Variants in ZNF646 observed in about 807,000 individuals in gnomAD.
ZNF646 encodes zinc finger protein 646.
A neutral mutation model predicts 115.4 loss-of-function variants in ZNF646; 49 were observed. The ratio of observed to expected loss-of-function variants is 0.42; its 90% CI spans 0.34 to 0.54. The LOEUF (loss-of-function observed/expected upper bound fraction) is 0.54, where lower values mean the gene tolerates loss of function less well. Ranked by LOEUF, ZNF646 falls within the 20% of genes least tolerant of loss-of-function variation. ZNF646 has a pLI of 0.04. For synonymous variants in ZNF646, 933 were observed against 939.0 expected (o/e 0.99, Z 0.12); for missense variants, 2,269 against 2,457.9 (o/e 0.92, Z 1.62).
At position 31,080,218 on chromosome 16, in the gene ZNF646, C is replaced by G. The variant is rs750173452; in HGVS notation, c.3894C>G (p.Pro1298=). Residue 1298 remains proline, a synonymous_variant, in exon 2 of 3, where the codon CCC becomes CCG. Coordinates refer to ENST00000300850, the MANE Select transcript of ZNF646 (RefSeq NM_014699.4). ...GAAAGGCGACTCGGGAAGATCGGCC[C>G]TTCCGCTGTGGGCAGTGCGGGCGGA... ...GTRKATREDR[P]FRCGQCGRTY... The G allele has an allele frequency of 6.2e-7, 1 of 1,610,876 alleles. No individual in the cohort carries two copies. The highest frequency in any genetic ancestry group is 1.3e-5 in the African/African-American group (1 of 75,004).
In ZNF646 at chr16:31,079,514, G is replaced by T; in HGVS notation, c.3190G>T (p.Gly1064Trp). 6.2e-7 allele frequency: 1 copy of T among 1,613,612 alleles called. No individual in the cohort carries two copies. The highest frequency in any genetic ancestry group is 8.5e-7 in the Non-Finnish European group (1 of 1,180,006). ...CNQCGKTYRH[G>W]GSLVNHRKIH... ...CCAGTGTGGCAAGACCTATCGCCAT[G>T]GGGGCAGCCTGGTGAACCACCGCAA... Residue 1064 changes from glycine (G) to tryptophan (W), a missense_variant, in exon 2 of 3, where the codon GGG becomes TGG. Gly to Trp is a radical substitution (Grantham distance 184, BLOSUM62 -2). Transcript: ENST00000300850. The surrounding 1 kb of genome is among the most constrained non-coding windows in gnomAD (Gnocchi z 5.5).
At position 31,077,524 on chromosome 16, in the gene ZNF646, C is replaced by A; in HGVS notation, c.1200C>A (p.Val400=). The part of the protein sequence containing the change: ...INHRKSHQTG[V]YPCSLCSKQL... ...ATCGAAAGAGCCACCAGACAGGTGTCTACCCCTGCTCACTCTGTTCTAAGC... is the reference window on the plus strand; with the variant it reads ...ATCGAAAGAGCCACCAGACAGGTGTATACCCCTGCTCACTCTGTTCTAAGC... Residue 400 remains valine, a synonymous_variant, in exon 2 of 3, where the codon GTC becomes GTA. Coordinates refer to ENST00000300850, the MANE Select transcript of ZNF646 (RefSeq NM_014699.4). 6.2e-7 allele frequency: 1 copy of A among 1,613,518 alleles called. No individual in the cohort carries two copies. Among genetic ancestry groups the A allele is most frequent in the Non-Finnish European group, 8.5e-7 (1 of 1,179,870 alleles).
At position 31,078,369 on chromosome 16, in the gene ZNF646, G is replaced by A; in HGVS notation, c.2045G>A (p.Ser682Asn). ...CATCGGAAGCGGGCTGGCGGTGCCA[G>A]CGGTGGGAGAGAAGCCAAACTCCTG... ...RRHRKRAGGA[S>N]GGREAKLLAA... Residue 682 changes from serine to asparagine, a missense_variant, in exon 2 of 3, where the codon AGC becomes AAC. Physicochemically the swap from Ser to Asn is conservative, Grantham distance 46. This residue lies in a region of ZNF646 where 852 missense variants were observed against 900.2 expected (regional missense o/e 0.95). Coordinates refer to ENST00000300850, the MANE Select transcript of ZNF646 (RefSeq NM_014699.4). 6 of 1,612,890 alleles carry A rather than the reference G, an allele frequency of 3.7e-6. No homozygotes were observed. Among genetic ancestry groups the A allele is most frequent in the Non-Finnish European group, 5.1e-6 (6 of 1,179,618 alleles).
Position 31,081,112 on chromosome 16 carries a change from C to T in ZNF646, c.4788C>T (p.Ser1596=), listed in dbSNP as rs61729520. The T allele has an allele frequency of 1.2e-6, 2 of 1,611,132 alleles. No homozygotes were observed. The highest frequency in any genetic ancestry group is 1.7e-6 in the Non-Finnish European group (2 of 1,178,048). The stretch of plus-strand genomic sequence containing the variant: ...CTGACTGTGGCAAAGCCTTTGAGTC[C>T]CACCAGGAACTGGCCAGCCACCTGC... ...ACPDCGKAFE[S]HQELASHLQA... is the part of the protein sequence containing the mutation. Residue 1596 remains serine (S), a synonymous_variant, in exon 2 of 3, where the codon TCC becomes TCT. Transcript: ENST00000300850.
Position 31,076,594 on chromosome 16 carries a change from C to G in ZNF646, c.270C>G (p.Leu90=), listed in dbSNP as rs919223422. The stretch of plus-strand genomic sequence containing the variant: ...AGGACTTCTCCAATCCCATGGCTCT[C>G]AAGAGCCATATGAGGACACATGCTC... ...CGKDFSNPMA[L]KSHMRTHAPE... The change falls in exon 2 of 3, where the codon CTC becomes CTG. Residue 90 remains leucine (L), a synonymous_variant. Coordinates refer to ENST00000300850, the MANE Select transcript of ZNF646 (RefSeq NM_014699.4). The G allele has an allele frequency of 6.2e-7, 1 of 1,612,698 alleles. No homozygotes were observed. The highest frequency in any genetic ancestry group is 1.3e-5 in the African/African-American group (1 of 74,884).
In ZNF646 at chr16:31,082,955, C is replaced by G; in HGVS notation, c.5378-16C>G. 4.5e-6 allele frequency: 7 copies of G among 1,569,062 alleles called. No individual in the cohort carries two copies. The highest frequency in any genetic ancestry group is 5.2e-6 in the Non-Finnish European group (6 of 1,156,232). ...TCTGCCCCTCAGTTGGTGACCTCCT[C>G]TCTCTCTCCCCCCAGGAGCCCCAGT... On this transcript the variant is annotated splice_polypyrimidine_tract_variant and intron_variant, in intron 2 of 2. Transcript: ENST00000300850.
chr16:31,075,671 G>A (rs1389740103), intron 1 of ZNF646, among the ~76,000 whole-genome samples: 1 of 152,112 alleles, frequency 6.6e-6, no homozygotes, highest in African/African-American at 2.4e-5. Flanking sequence ...GAAATGACTC[G>A]GGGTGGTGGG....
rs1224709561 is a variant in ZNF646, at chr16:31,079,706, A to G, written c.3382A>G (p.Ile1128Val). 9.9e-6 allele frequency: 16 copies of G among 1,613,686 alleles called. No homozygotes were observed. The highest frequency in any genetic ancestry group is 1.3e-5 in the Non-Finnish European group (15 of 1,180,012). The change falls in exon 2 of 3, where the codon ATC becomes GTC. Residue 1128 changes from isoleucine (I) to valine (V), a missense_variant. Ile to Val is a conservative substitution (Grantham distance 29, BLOSUM62 3). Around this residue, in one of 5 missense-constraint regions of ZNF646, gnomAD observed 1,062 missense variants for 1,172.8 expected, o/e 0.91. Coordinates refer to ENST00000300850, the MANE Select transcript of ZNF646 (RefSeq NM_014699.4). The surrounding 1 kb of genome is among the most constrained non-coding windows in gnomAD (Gnocchi z 5.5). ...AGSSELQVGP[I>V]PEGGSNKPQH... ...TAGCAGTGAGCTGCAGGTTGGGCCC[A>G]TCCCAGAAGGAGGCAGCAACAAGCC...
chr16:31,081,960 C>T (rs1190179952), intron 2 of ZNF646: 4 of 554,830 alleles, frequency 7.2e-6, no homozygotes, highest in Non-Finnish European at 1.3e-5. Flanking sequence ...TACCTGGGCT[C>T]CTCCATTACA....
upstream of ZNF646, chr16:31,073,849 G>C (rs2057039954): frequency 1.3e-5 from 2 of 152,192 alleles, no homozygotes; most frequent in Admixed American, 1.3e-4. Context: ...GGAACCTCCA[G>C]CCTATGGCGG....
chr16:31,075,497 C>T (rs2057065815), intron 1 of ZNF646, among the ~76,000 whole-genome samples: 1 of 152,148 alleles, frequency 6.6e-6, no homozygotes, highest in Non-Finnish European at 1.5e-5. Flanking sequence ...AGGGTTTCAC[C>T]ATGTTGTCCA....
chr16:31,072,694 T>A (rs1024840780), upstream of ZNF646: 2 of 152,256 alleles, frequency 1.3e-5, no homozygotes, highest in African/African-American at 4.8e-5. Context: ...GCTAATCATA[T>A]CCTAGGCCTC....
In ZNF646 at chr16:31,078,423, A is replaced by G. The variant is rs141862689; in HGVS notation, c.2099A>G (p.Glu700Gly). ...LAAESWTREL[E>G]DNEGLESPQD... The stretch of plus-strand genomic sequence containing the variant: ...GCGGAGAGCTGGACCCGGGAGCTAG[A>G]AGACAATGAAGGCCTGGAGTCTCCC... The change falls in exon 2 of 3, where the codon GAA (glutamate) becomes GGA (glycine). Residue 700 changes from glutamate (E) to glycine (G), a missense_variant. Transcript: ENST00000300850. 9.6e-5 allele frequency: 154 copies of G among 1,606,704 alleles called. No homozygotes were observed. In the African/African-American group the frequency reaches 1.9e-3, roughly 20 times the overall value.
rs1008075548 is a variant in ZNF646 at position 31,077,438 on chromosome 16, C to T, written c.1114C>T (p.Arg372Trp). 8 of 1,613,086 alleles carry T rather than the reference C, an allele frequency of 5.0e-6. No individual in the cohort carries two copies. The highest frequency in any genetic ancestry group is 5.1e-6 in the Non-Finnish European group (6 of 1,179,878). Residue 372 changes from arginine to tryptophan, a missense_variant, in exon 2 of 3, where the codon CGG (arginine) becomes TGG (tryptophan). Physicochemically the swap from Arg to Trp is moderately radical, Grantham distance 101. This residue lies in a region of ZNF646 where 852 missense variants were observed against 900.2 expected (regional missense o/e 0.95). Transcript: ENST00000300850. ...ELEDSGLEEY[R>W]PFRCGDCGRT... ...GGAGGACAGTGGCCTGGAGGAATAC[C>T]GGCCTTTCCGCTGTGGGGACTGTGG...
chr16:31,076,299 C>T lies in ZNF646; in HGVS notation c.-26C>T. 1 of 1,583,046 alleles carries T rather than the reference C, an allele frequency of 6.3e-7. No homozygotes were observed. The highest frequency in any genetic ancestry group is 8.6e-7 in the Non-Finnish European group (1 of 1,161,028). On this transcript the variant is annotated 5_prime_UTR_variant, in exon 2 of 3. Transcript: ENST00000300850. Reference sequence around the variant, plus strand: ...CTGCCACGTGTCTGCTCCTTCTGAACCTCCAGGTTTCTGCTACGTTGCCCC... The same window carrying T: ...CTGCCACGTGTCTGCTCCTTCTGAATCTCCAGGTTTCTGCTACGTTGCCCC...
chr16:31,083,020 T>G lies in ZNF646; in HGVS notation c.5427T>G (p.Pro1809=). The G allele has an allele frequency of 1.5e-6, 2 of 1,295,504 alleles. No individual in the cohort carries two copies. Among genetic ancestry groups the G allele is most frequent in the Non-Finnish European group, 2.1e-6 (2 of 942,428 alleles). The allele number at this position is 1,295,504 out of a possible 1,614,324, so 80.3% of individuals were successfully genotyped here. A position where few individuals can be genotyped will look rare whatever the true frequency, so the allele number is the denominator to read the frequency against. Residue 1809 remains proline (P), a synonymous_variant, in exon 3 of 3, where the codon CCT becomes CCG. Coordinates refer to ENST00000300850, the MANE Select transcript of ZNF646 (RefSeq NM_014699.4). ...VTGRGDLPLP[P]PPTPTTPLLD... The stretch of plus-strand genomic sequence containing the variant: ...GCAGAGGGGACTTGCCATTGCCCCC[T>G]CCACCCACCCCCACGACCCCACTCC...
intron 2 of ZNF646, 106 bp downstream of exon 2, chr16:31,081,807 G>A: frequency 1.4e-6 from 2 of 1,437,562 alleles, no homozygotes. Flanking sequence ...GAGCCCCGGG[G>A]ATTCTAAGAG....
rs1567409828 is a variant in ZNF646, at chr16:31,079,708, C to T, written c.3384C>T (p.Ile1128=). ...AGSSELQVGP[I]PEGGSNKPQH... is the part of the protein sequence containing the mutation. ...GCAGTGAGCTGCAGGTTGGGCCCAT[C>T]CCAGAAGGAGGCAGCAACAAGCCCC... Residue 1128 remains isoleucine (I), a synonymous_variant, in exon 2 of 3, where the codon ATC becomes ATT. Transcript: ENST00000300850. The surrounding 1 kb of genome is among the most constrained non-coding windows in gnomAD (Gnocchi z 5.5). 6.2e-7 allele frequency: 1 copy of T among 1,613,636 alleles called. No homozygotes were observed. Among genetic ancestry groups the T allele is most frequent in the Non-Finnish European group, 8.5e-7 (1 of 1,180,004 alleles).
chr16:31,083,518 C>T lies in ZNF646; in HGVS notation c.*426C>T. 1.5e-6 allele frequency: 2 copies of T among 1,358,796 alleles called. No individual in the cohort carries two copies. Among genetic ancestry groups the T allele is most frequent in the Non-Finnish European group, 1.9e-6 (2 of 1,052,780 alleles). The allele number at this position is 1,358,796 out of a possible 1,614,324, so 84.2% of individuals were successfully genotyped here. A position where few individuals can be genotyped will look rare whatever the true frequency, so the allele number is the denominator to read the frequency against. On this transcript the variant is annotated 3_prime_UTR_variant, in exon 3 of 3. Coordinates refer to ENST00000300850, the MANE Select transcript of ZNF646 (RefSeq NM_014699.4). ...AAAAGAAATTTTCAAAACAACGTGG[C>T]TGGCGTGATTGTATCTGAAAGGGTA... is the stretch of plus-strand genomic sequence containing the variant.
Sources: allele counts gnomAD v4.1 joint callset (sites outside exome capture counted in the v4.1 genomes callset), GRCh38; gene constraint gnomAD v4.1.1; regional missense constraint gnomAD v4.1.1; non-coding constraint Gnocchi (gnomAD v3.1); transcripts MANE v1.5; gene names NCBI Gene and HGNC (gene_info 2026-07-23, HGNC 2026-07-21).